Variants in UNC5D observed in about 807,000 individuals in gnomAD.
The protein encoded by UNC5D is netrin receptor UNC5D.
UNC5D carries 39 observed loss-of-function variants against 105.4 expected under a neutral mutation model. That is an observed-to-expected ratio of 0.37 (90% CI 0.29 to 0.48). The LOEUF is 0.48. UNC5D is among the 20% of genes least tolerant of loss of function. UNC5D has a pLI of 0.98. For missense variants in UNC5D, 991 were observed against 1,202.4 expected, an observed-to-expected ratio of 0.82 and a Z score of 2.60; for synonymous variants, 452 against 450.4, an observed-to-expected ratio of 1.00 and a Z score of -0.04.
intron 2 of UNC5D, 141 bp from the exon 3 acceptor site, chr8:35,567,957 T>G: frequency 7.7e-7 from 1 of 1,304,352 alleles, no homozygotes; most frequent in Non-Finnish European, 1.1e-6. Flanking sequence ...AGTAATATAT[T>G]ATTGTCAAAG....
At chr8:35,285,467 A>G (rs1285113686) in intron 1 of UNC5D, among the ~76,000 whole-genome samples, 1 of 152,224 alleles carries the variant, frequency 6.6e-6, no homozygotes, top group Non-Finnish European at 1.5e-5. Context: ...TTCTATGAAT[A>G]TGTGAATAAC....
At chr8:35,290,192 G>C (rs1479190340) in intron 1 of UNC5D, among the ~76,000 whole-genome samples, 1 of 152,006 alleles carries the variant, frequency 6.6e-6, no homozygotes, top group Admixed American at 6.6e-5. Context: ...AATCAATGTC[G>C]AAGGGATGTT....
chr8:35,732,934 C>T (rs1173121718), intron 11 of UNC5D, among the ~76,000 whole-genome samples: 2 of 152,162 alleles, frequency 1.3e-5, no homozygotes, highest in Non-Finnish European at 2.9e-5. Flanking sequence ...AGCTTGGCCT[C>T]CTGTGGTCAC....
intron 1 of UNC5D, among the ~76,000 whole-genome samples, chr8:35,494,297 T>C (rs903473595): frequency 6.6e-6 from 1 of 152,186 alleles, no homozygotes; most frequent in African/African-American, 2.4e-5. Context: ...CCAAAATGTT[T>C]CTAAATAACA....
chr8:35,485,091 C>A (rs1352852162), intron 1 of UNC5D, among the ~76,000 whole-genome samples: 1 of 152,128 alleles, frequency 6.6e-6, no homozygotes, highest in Non-Finnish European at 1.5e-5. Context: ...TTCATTGGAT[C>A]GCTCTCCCCT....
chr8:35,628,799 G>A (rs1434899607), intron 4 of UNC5D, among the ~76,000 whole-genome samples: 1 of 152,188 alleles, frequency 6.6e-6, no homozygotes, highest in Non-Finnish European at 1.5e-5. Context: ...CTTACTCTCA[G>A]TGATACACTA....
intron 1 of UNC5D, among the ~76,000 whole-genome samples, chr8:35,324,233 C>CAAAAAAAAAA (rs569409228): frequency 0.043 from 2,661 of 62,240 alleles, 266 homozygotes; most frequent in Non-Finnish European, 0.055. Flanking sequence ...ACCCTGTCTC[C>CAAAAAAAAAA]AAAAAAAAAA....
At chr8:35,695,947 C>T (rs1826742514) in intron 7 of UNC5D, among the ~76,000 whole-genome samples, 1 of 151,952 alleles carries the variant, frequency 6.6e-6, no homozygotes, top group Non-Finnish European at 1.5e-5. Flanking sequence ...GTTGGCCAAG[C>T]TGGTCTCACA....
chr8:35,546,528 A>C (rs1250546105), intron 1 of UNC5D, among the ~76,000 whole-genome samples: 1 of 152,220 alleles, frequency 6.6e-6, no homozygotes, highest in Admixed American at 6.5e-5. Flanking sequence ...TAAGCTTACC[A>C]CTATAGCTTT....
chr8:35,568,458 G>T (rs1315200026), intron 3 of UNC5D, among the ~76,000 whole-genome samples: 1 of 152,256 alleles, frequency 6.6e-6, no homozygotes, highest in Non-Finnish European at 1.5e-5. Context: ...GGAGGCCAAG[G>T]TGGGAGGATC....
chr8:35,661,862 T>C (rs1253474704), intron 4 of UNC5D, among the ~76,000 whole-genome samples: 1 of 152,174 alleles, frequency 6.6e-6, no homozygotes, highest in African/African-American at 2.4e-5. Flanking sequence ...GCTTCCTTTC[T>C]TAGATTCCTG....
At chr8:35,765,535 T>C (rs534763940) in intron 14 of UNC5D, among the ~76,000 whole-genome samples, 13 of 152,328 alleles carry the variant, frequency 8.5e-5, no homozygotes, top group Admixed American at 2.0e-4. Flanking sequence ...AAGCTGGCTT[T>C]CCTCTCTTCA....
chr8:35,780,066 G>A (rs956053260), intron 16 of UNC5D, among the ~76,000 whole-genome samples: 3 of 152,154 alleles, frequency 2.0e-5, no homozygotes, highest in African/African-American at 7.2e-5. Flanking sequence ...AGGGGAGGCC[G>A]CCACAATGGA....
At chr8:35,299,678 T>G (rs1323666675) in intron 1 of UNC5D, among the ~76,000 whole-genome samples, 1 of 152,218 alleles carries the variant, frequency 6.6e-6, no homozygotes, top group African/African-American at 2.4e-5. Flanking sequence ...GCAAAAGATC[T>G]ACCTGCAAGA....
chr8:35,554,386 A>G (rs1201105565), intron 2 of UNC5D, among the ~76,000 whole-genome samples: 1 of 152,248 alleles, frequency 6.6e-6, no homozygotes, highest in African/African-American at 2.4e-5. Flanking sequence ...AGTTCTCTGC[A>G]CTAGCCAAGG....
intron 1 of UNC5D, among the ~76,000 whole-genome samples, chr8:35,275,987 G>T (rs1805749570): frequency 6.6e-6 from 1 of 152,202 alleles, no homozygotes; most frequent in South Asian, 2.1e-4. Context: ...GGAAGATGGG[G>T]TGGGTAGAGA....
At chr8:35,670,155 A>C (rs1204654885) in intron 4 of UNC5D, among the ~76,000 whole-genome samples, 1 of 152,184 alleles carries the variant, frequency 6.6e-6, no homozygotes, top group African/African-American at 2.4e-5. Context: ...GAACAAATTC[A>C]AGAACAGCCA....
chr8:35,329,416 T>C (rs1382630688), intron 1 of UNC5D, among the ~76,000 whole-genome samples: 1 of 151,114 alleles, frequency 6.6e-6, no homozygotes, highest in East Asian at 1.9e-4. Flanking sequence ...TATATATATA[T>C]ATATATATAT....
intron 1 of UNC5D, among the ~76,000 whole-genome samples, chr8:35,445,394 T>C (rs1430056508): frequency 6.6e-6 from 1 of 152,094 alleles, no homozygotes; most frequent in Non-Finnish European, 1.5e-5. Flanking sequence ...ATATGAACAA[T>C]GCTAGATTTT....
Sources: allele counts gnomAD v4.1 joint callset (sites outside exome capture counted in the v4.1 genomes callset), GRCh38; gene constraint gnomAD v4.1.1; transcripts MANE v1.5; gene names NCBI Gene and HGNC (gene_info 2026-07-23, HGNC 2026-07-21).